GRIK4: variants seen among roughly 807,000 people sequenced by gnomAD.
GRIK4 encodes the protein glutamate receptor ionotropic, kainate 4.
A neutral mutation model predicts 104.9 loss-of-function variants in GRIK4; 40 were observed. That is an observed-to-expected ratio of 0.38 (90% confidence interval 0.30 to 0.50). GRIK4 has a LOEUF of 0.50. Ranked by LOEUF, GRIK4 falls within the 20% of genes least tolerant of loss-of-function variation. The probability of loss-of-function intolerance (pLI) is 0.93; values close to 1 mark genes in which losing one functional copy is unlikely to be tolerated. For synonymous variants in GRIK4, 485 were observed against 524.9 expected, an observed-to-expected ratio of 0.92 and a Z score of 1.04; for missense variants, 1,047 against 1,308.1, an observed-to-expected ratio of 0.80 and a Z score of 3.08.
intron 6 of GRIK4, among the ~76,000 whole-genome samples, chr11:120,828,300 A>G (rs1374227064): frequency 6.6e-6 from 1 of 152,232 alleles, no homozygotes; most frequent in Non-Finnish European, 1.5e-5. Flanking sequence ...ATACTTACGC[A>G]TATACGTGCT....
intron 13 of GRIK4, among the ~76,000 whole-genome samples, chr11:120,907,072 C>T (rs984687402): frequency 3.3e-5 from 5 of 152,198 alleles, no homozygotes; most frequent in South Asian, 2.1e-4. Context: ...TGATGATGTA[C>T]GTGCTTAAGT....
chr11:120,975,563 A>G (rs376823218), intron 19 of GRIK4, among the ~76,000 whole-genome samples: 159 of 152,274 alleles, frequency 1.0e-3, no homozygotes, highest in African/African-American at 3.7e-3. Flanking sequence ...TTGTCTGGAA[A>G]CTGGGCCAAG....
intron 6 of GRIK4, among the ~76,000 whole-genome samples, chr11:120,829,423 AT>A (rs1565378242): frequency 6.6e-6 from 1 of 152,146 alleles, no homozygotes; most frequent in Non-Finnish European, 1.5e-5. Flanking sequence ...CGGGGATGTG[AT>A]TTGAACTTCA....
At chr11:120,720,359 G>T (rs574600353) in intron 3 of GRIK4, among the ~76,000 whole-genome samples, 2 of 152,216 alleles carry the variant, frequency 1.3e-5, no homozygotes, top group African/African-American at 4.8e-5. Context: ...TTTGATGTGC[G>T]TTTGGCTGTG....
At chr11:120,621,133 C>T (rs1565577206) in intron 1 of GRIK4, among the ~76,000 whole-genome samples, 1 of 152,196 alleles carries the variant, frequency 6.6e-6, no homozygotes, top group Non-Finnish European at 1.5e-5. Context: ...CTCAAAGCCT[C>T]TGTGAAGTAA....
intron 11 of GRIK4, among the ~76,000 whole-genome samples, chr11:120,883,768 G>A (rs1476609021): frequency 6.6e-6 from 1 of 152,238 alleles, no homozygotes; most frequent in Non-Finnish European, 1.5e-5. Flanking sequence ...GTTTTAAAGT[G>A]CTGCATTTTA....
chr11:120,897,318 T>C (rs1942606914), intron 11 of GRIK4, among the ~76,000 whole-genome samples: 3 of 151,772 alleles, frequency 2.0e-5, no homozygotes, highest in Non-Finnish European at 4.4e-5. Flanking sequence ...AGTAATGTAT[T>C]GTACATTTAA....
chr11:120,954,924 C>T (rs967784726), intron 15 of GRIK4, among the ~76,000 whole-genome samples: 2 of 152,016 alleles, frequency 1.3e-5, no homozygotes, highest in Admixed American at 6.6e-5. Flanking sequence ...CAACCAGAGC[C>T]TTTGGGGGTG....
chr11:120,637,423 T>C (rs1037790543), intron 1 of GRIK4, among the ~76,000 whole-genome samples: 19 of 152,190 alleles, frequency 1.2e-4, no homozygotes, highest in Non-Finnish European at 1.6e-4. Flanking sequence ...TCTCTCCGGC[T>C]GAGCAGTGCT....
chr11:120,583,148 C>T (rs897972499), intron 1 of GRIK4, among the ~76,000 whole-genome samples: 13 of 152,274 alleles, frequency 8.5e-5, no homozygotes, highest in African/African-American at 3.1e-4. Context: ...ACATATATGT[C>T]TTCTTTTGAA....
At chr11:120,667,013 T>G (rs1949926134) in intron 3 of GRIK4, among the ~76,000 whole-genome samples, 1 of 152,184 alleles carries the variant, frequency 6.6e-6, no homozygotes. Flanking sequence ...TGGAATGGGC[T>G]TTTTTGGATA....
intron 11 of GRIK4, among the ~76,000 whole-genome samples, chr11:120,885,254 A>T (rs1016288487): frequency 6.6e-6 from 1 of 152,270 alleles, no homozygotes; most frequent in East Asian, 1.9e-4. Context: ...TGATCCTGCC[A>T]TGCACTCCGC....
intron 3 of GRIK4, among the ~76,000 whole-genome samples, chr11:120,694,017 T>G (rs1457951565): frequency 6.6e-6 from 1 of 152,170 alleles, no homozygotes; most frequent in Non-Finnish European, 1.5e-5. Flanking sequence ...AGGAGCTGCC[T>G]TGGGTGACTA....
At position 120,953,037 on chromosome 11, in the gene GRIK4, G is replaced by A; in HGVS notation, c.1700+73G>A. On this transcript the variant is annotated intron_variant, in intron 15 of 20. Transcript: ENST00000527524. The surrounding 1 kb of genome is among the most constrained non-coding windows in gnomAD (Gnocchi z 4.9). ...ACCTCTGGGAACTGCATGGGGAGGGGGTGGGGAGGAGGAGAGGGGGAGGAG... is the reference window on the plus strand; with the variant it reads ...ACCTCTGGGAACTGCATGGGGAGGGAGTGGGGAGGAGGAGAGGGGGAGGAG... 1.0e-6 allele frequency: 1 copy of A among 973,964 alleles called. No individual in the cohort carries two copies. Among genetic ancestry groups the A allele is most frequent in the Non-Finnish European group, 1.6e-6 (1 of 612,990 alleles). The allele number at this position is 973,964 out of a possible 1,614,324, so 60.3% of individuals were successfully genotyped here.
intron 9 of GRIK4, among the ~76,000 whole-genome samples, chr11:120,865,043 A>G (rs1305805467): frequency 6.6e-6 from 1 of 152,262 alleles, no homozygotes; most frequent in Non-Finnish European, 1.5e-5. Flanking sequence ...TTCTATTTCC[A>G]ATTCACAATC....
intron 6 of GRIK4, among the ~76,000 whole-genome samples, chr11:120,828,067 G>A (rs1953314048): frequency 6.6e-6 from 1 of 152,090 alleles, no homozygotes. Flanking sequence ...AAGTGACATG[G>A]CGACGGTTCC....
chr11:120,787,134 ATAG>A (rs903680830), intron 3 of GRIK4, among the ~76,000 whole-genome samples: 1 of 149,376 alleles, frequency 6.7e-6, no homozygotes, highest in African/African-American at 2.5e-5. Flanking sequence ...CGTAGGCAAC[ATAG>A]TAGGACTCTT....
chr11:120,521,139 G>A (rs1302456013), intron 1 of GRIK4, among the ~76,000 whole-genome samples: 2 of 152,082 alleles, frequency 1.3e-5, no homozygotes, highest in Non-Finnish European at 2.9e-5. Context: ...AGGCGAGAGT[G>A]CAGTGGCATG....
At chr11:120,825,041 C>T (rs1165894710) in intron 6 of GRIK4, among the ~76,000 whole-genome samples, 2 of 152,008 alleles carry the variant, frequency 1.3e-5, no homozygotes, top group African/African-American at 2.4e-5. Context: ...TCTCCTGCCT[C>T]ACCCTCCCGA....
Sources: allele counts gnomAD v4.1 joint callset (sites outside exome capture counted in the v4.1 genomes callset), GRCh38; gene constraint gnomAD v4.1.1; non-coding constraint Gnocchi (gnomAD v3.1); transcripts MANE v1.5; gene names NCBI Gene and HGNC (gene_info 2026-07-23, HGNC 2026-07-21).